Variants in COL27A1 observed in about 807,000 individuals in gnomAD.
COL27A1 encodes the protein collagen alpha-1(XXVII) chain.
A neutral mutation model predicts 251.3 loss-of-function variants in COL27A1; 106 were observed. The ratio of observed to expected loss-of-function variants is 0.42; its 90% CI spans 0.36 to 0.50. The LOEUF (loss-of-function observed/expected upper bound fraction) is 0.50. Ranked by LOEUF, COL27A1 falls within the 20% of genes least tolerant of loss-of-function variation. The pLI is 0.00. For synonymous variants in COL27A1, 1,000 were observed against 986.3 expected, an observed-to-expected ratio of 1.01 and a Z score of -0.26; for missense variants, 2,325 against 2,522.8, an observed-to-expected ratio of 0.92 and a Z score of 1.68.
At chr9:114,294,376 A>G (rs1326633935) in intron 49 of COL27A1, among the ~76,000 whole-genome samples, 1 of 152,200 alleles carries the variant, frequency 6.6e-6, no homozygotes, top group African/African-American at 2.4e-5. Flanking sequence ...AAGCCACACC[A>G]AGATATTACA....
intron 14 of COL27A1, among the ~76,000 whole-genome samples, chr9:114,223,641 C>A (rs944973408): frequency 2.0e-5 from 3 of 152,190 alleles, no homozygotes; most frequent in Admixed American, 6.5e-5. Context: ...ACAGTCCATT[C>A]CAGTCCAGTG....
At chr9:114,227,837 C>T (rs1000494749) in intron 14 of COL27A1, among the ~76,000 whole-genome samples, 10 of 152,128 alleles carry the variant, frequency 6.6e-5, no homozygotes, top group African/African-American at 1.4e-4. Context: ...TGAGTGGCTC[C>T]GGCCAAGCTG....
intron 56 of COL27A1, among the ~76,000 whole-genome samples, chr9:114,303,414 T>C (rs1288348254): frequency 6.6e-6 from 1 of 152,158 alleles, no homozygotes; most frequent in Non-Finnish European, 1.5e-5. Flanking sequence ...AATTTTTGTA[T>C]TTTTAGTAGA....
At chr9:114,188,294 G>A (rs2135207626) in intron 5 of COL27A1, among the ~76,000 whole-genome samples, 1 of 152,348 alleles carries the variant, frequency 6.6e-6, no homozygotes, top group South Asian at 2.1e-4. Context: ...GAAAGGGGCA[G>A]TCACTTTCAG....
intron 1 of COL27A1, among the ~76,000 whole-genome samples, chr9:114,161,508 A>G (rs933690194): frequency 1.3e-5 from 2 of 152,190 alleles, no homozygotes; most frequent in Non-Finnish European, 2.9e-5. Flanking sequence ...TAAGGTGCCC[A>G]GGGAGTCTGG....
Position 114,169,033 on chromosome 9 carries a change from C to T in COL27A1, c.1478C>T (p.Pro493Leu), listed in dbSNP as rs577096647. ...ACTGCTTTATCCTCATCTCCTGCCC[C>T]TACTCCTGGTTCTACCAGGAGTACT... ...PFTALSSSPA[P>L]TPGSTRSTRP... The change falls in exon 3 of 61, where the codon CCT (proline) becomes CTT (leucine). Residue 493 changes from proline to leucine, a missense_variant. Pro to Leu is a moderately conservative substitution (Grantham distance 98). Transcript: ENST00000356083. The T allele has an allele frequency of 6.2e-7, 1 of 1,614,100 alleles. No individual in the cohort carries two copies. Among genetic ancestry groups the T allele is most frequent in the South Asian group, 1.1e-5 (1 of 91,084 alleles).
chr9:114,221,355 T>C (rs907611683), intron 13 of COL27A1, among the ~76,000 whole-genome samples: 2 of 152,192 alleles, frequency 1.3e-5, no homozygotes, highest in African/African-American at 4.8e-5. Context: ...AGATTAACTA[T>C]TAGCGATATG....
At chr9:114,302,031 T>C in intron 55 of COL27A1, 51 bp from the exon 56 acceptor site, 1 of 1,569,594 alleles carries the variant, frequency 6.4e-7, no homozygotes, top group South Asian at 1.1e-5. Flanking sequence ...CCCTCTCAGA[T>C]TCCAGCACAC....
chr9:114,227,311 G>GT (rs5900077), intron 14 of COL27A1, among the ~76,000 whole-genome samples: 76,309 of 128,806 alleles, frequency 0.59, 25,261 homozygotes, highest in South Asian at 0.79. Flanking sequence ...AACCTTGAGT[G>GT]TTTTTTTTTT....
At chr9:114,207,215 G>A (rs1331401181) in intron 10 of COL27A1, among the ~76,000 whole-genome samples, 1 of 152,168 alleles carries the variant, frequency 6.6e-6, no homozygotes, top group Admixed American at 6.5e-5. Context: ...TTATATTTTG[G>A]CAGGAGGGAG....
intron 28 of COL27A1, among the ~76,000 whole-genome samples, chr9:114,263,351 G>T (rs1010821621): frequency 2.0e-5 from 3 of 152,052 alleles, no homozygotes; most frequent in Non-Finnish European, 4.4e-5. Flanking sequence ...TTTTATCTGG[G>T]GGAGTATTGC....
chr9:114,239,640 C>T (rs1468135649), intron 19 of COL27A1, among the ~76,000 whole-genome samples: 1 of 152,208 alleles, frequency 6.6e-6, no homozygotes, highest in East Asian at 1.9e-4. Flanking sequence ...TTCTATTGTA[C>T]AGTCATCCCA....
chr9:114,307,462 C>A, intron 58 of COL27A1: 1 of 569,498 alleles, frequency 1.8e-6, no homozygotes, highest in Non-Finnish European at 3.1e-6. Context: ...CCATGTGACC[C>A]CTCCTCTGGG....
In COL27A1 at chr9:114,296,344, G is replaced by T. The variant is rs571772775; in HGVS notation, c.4585-3726G>T. Among the ~76,000 whole-genome samples the T allele has an allele frequency of 2.0e-5, 3 of 152,088 alleles. No homozygotes were observed. In the South Asian group the frequency reaches 6.2e-4, roughly 32 times the overall value. On this transcript the variant is annotated intron_variant, in intron 49 of 60. Coordinates refer to ENST00000356083, the MANE Select transcript of COL27A1 (RefSeq NM_032888.4). ...TGTATCCGGAACCTAAAAAGAACTC[G>T]CAAAACTCAATAATAAAAATAAGCA... is the stretch of plus-strand genomic sequence containing the variant.
intron 22 of COL27A1, 101 bp from the exon 23 acceptor site, chr9:114,243,406 T>G: frequency 4.2e-6 from 4 of 946,714 alleles, no homozygotes; most frequent in Non-Finnish European, 6.8e-6. Context: ...TATGTGGCTC[T>G]CTACAGCTGT....
chr9:114,175,514 C>G (rs921321557), intron 3 of COL27A1, among the ~76,000 whole-genome samples: 3 of 152,296 alleles, frequency 2.0e-5, no homozygotes, highest in African/African-American at 7.2e-5. Context: ...GCCGGCGGTC[C>G]CCACCCAGGT....
chr9:114,264,801 G>C, intron 29 of COL27A1, 123 bp from the exon 30 acceptor site: 2 of 1,040,322 alleles, frequency 1.9e-6, no homozygotes, highest in Non-Finnish European at 2.8e-6. Flanking sequence ...CTGCACCATG[G>C]AAAGGGGGCA....
At position 114,290,436 on chromosome 9, in the gene COL27A1, G is replaced by A. The variant is rs771428490; in HGVS notation, c.4368+105G>A. 500 of 1,007,348 alleles carry A rather than the reference G, an allele frequency of 5.0e-4. 6 individuals are homozygous for A. Among genetic ancestry groups the A allele is most frequent in the Non-Finnish European group, 9.0e-5 (60 of 667,584 alleles). 62.4% of individuals were successfully genotyped at this position (1,007,348 alleles called of 1,614,324 possible). On this transcript the variant is annotated intron_variant, in intron 47 of 60. Transcript: ENST00000356083. The surrounding 1 kb of genome is among the most constrained non-coding windows in gnomAD (Gnocchi z 4.6). ...AGGAGCCCGTTTGGAAACTTGGATG[G>A]GCAGAACCAACACATCCAGAAGTTC...
intron 7 of COL27A1, among the ~76,000 whole-genome samples, chr9:114,202,274 AG>A (rs1331375512): frequency 1.3e-5 from 2 of 152,220 alleles, no homozygotes; most frequent in African/African-American, 4.8e-5. Context: ...TTGTGGCTGC[AG>A]ATGAAGCCAC....
Sources: gnomAD v4.1 joint callset for allele counts (sites outside exome capture counted in the v4.1 genomes callset) on GRCh38, gnomAD v4.1.1 for gene constraint, Gnocchi (gnomAD v3.1) non-coding constraint, MANE v1.5 for transcripts, NCBI Gene and HGNC (gene_info 2026-07-23, HGNC 2026-07-21) for gene names.